SNX18: variants seen among roughly 807,000 people sequenced by gnomAD.
SNX18 encodes the protein sorting nexin-18.
In SNX18, 35 loss-of-function variants were observed where a neutral mutation model predicts 48.7. The ratio of observed to expected loss-of-function variants is 0.72; its 90% confidence interval spans 0.55 to 0.95. The LOEUF (loss-of-function observed/expected upper bound fraction) is 0.95, where lower values mean the gene tolerates loss of function less well. Among genes scored for constraint, SNX18 ranks in the 40% least tolerant of loss-of-function variants. The pLI, the probability that SNX18 is intolerant of heterozygous loss-of-function variation, is 0.00. For synonymous variants in SNX18, 492 were observed against 384.7 expected, an observed-to-expected ratio of 1.28 and a Z score of -3.26; for missense variants, 824 against 871.0, an observed-to-expected ratio of 0.95 and a Z score of 0.68.
Position 54,543,181 on chromosome 5 carries a change from G to A in SNX18, c.1624G>A (p.Ala542Thr), listed in dbSNP as rs1202294720. The A allele has an allele frequency of 6.2e-7, 1 of 1,613,054 alleles. No homozygotes were observed. The highest frequency in any genetic ancestry group is 8.5e-7 in the Non-Finnish European group (1 of 1,179,566). The change falls in exon 2 of 2, where the codon GCT (alanine) becomes ACT (threonine). Residue 542 changes from alanine (A) to threonine (T), a missense_variant and splice_region_variant. This residue lies in a region of SNX18 where 443 missense variants were observed against 503.6 expected (regional missense o/e 0.88). Coordinates refer to ENST00000381410, the MANE Select transcript of SNX18 (RefSeq NM_001102575.2). ...TTAATTGTTATTTTTAACTACAGGAGCTCTTACCAAAGTCAAGGAGAGTAG... is the reference window on the plus strand; with the variant it reads ...TTAATTGTTATTTTTAACTACAGGAACTCTTACCAAAGTCAAGGAGAGTAG... ...FPDIIHVQKG[A>T]LTKVKESRRH...
the SNX18 span, among the ~76,000 whole-genome samples, chr5:54,626,048 TTC>T: frequency 6.6e-6 from 1 of 152,218 alleles, no homozygotes; most frequent in Admixed American, 6.5e-5. Flanking sequence ...CCCTAGATTT[TTC>T]TGTTGCATGA....
the SNX18 span, among the ~76,000 whole-genome samples, chr5:54,585,809 C>G: frequency 1.1e-3 from 168 of 152,076 alleles, no homozygotes; most frequent in African/African-American, 3.9e-3. Flanking sequence ...CGAGACCATC[C>G]TGGCTAACAT....
chr5:54,642,800 T>A, the SNX18 span, among the ~76,000 whole-genome samples: 628 of 152,296 alleles, frequency 4.1e-3, 2 homozygotes, highest in Admixed American at 6.3e-3. Flanking sequence ...ATACATTTGC[T>A]CCCTACTGTC....
At chr5:54,609,793 A>T in the SNX18 span, among the ~76,000 whole-genome samples, 2 of 152,140 alleles carry the variant, frequency 1.3e-5, no homozygotes, top group African/African-American at 4.8e-5. Context: ...CAAATCTCAT[A>T]TTGAAATGTA....
chr5:54,527,797 T>C (rs1224287487), intron 1 of SNX18, among the ~76,000 whole-genome samples: 1 of 152,252 alleles, frequency 6.6e-6, no homozygotes, highest in Non-Finnish European at 1.5e-5. Context: ...TAATGAATGC[T>C]TGCTGAATTA....
chr5:54,522,247 C>T (rs912783901), intron 1 of SNX18, among the ~76,000 whole-genome samples: 9 of 152,180 alleles, frequency 5.9e-5, no homozygotes, highest in Non-Finnish European at 1.2e-4. Flanking sequence ...TAAAAGCTTT[C>T]TGAGCGTATT....
chr5:54,628,633 A>T, the SNX18 span, among the ~76,000 whole-genome samples: 1 of 152,194 alleles, frequency 6.6e-6, no homozygotes, highest in African/African-American at 2.4e-5. Flanking sequence ...GCCCCCAGGA[A>T]GGTGAAAACA....
At chr5:54,585,367 G>A in the SNX18 span, among the ~76,000 whole-genome samples, 2 of 149,454 alleles carry the variant, frequency 1.3e-5, no homozygotes, top group East Asian at 2.0e-4. Flanking sequence ...TTCTGCTTAC[G>A]AGGAGGAATT....
At chr5:54,598,339 A>G in the SNX18 span, among the ~76,000 whole-genome samples, 1 of 152,190 alleles carries the variant, frequency 6.6e-6, no homozygotes, top group African/African-American at 2.4e-5. Context: ...TTCTTCTGCA[A>G]TTATTCCAAA....
chr5:54,541,556 G>T (rs367796132), intron 1 of SNX18, among the ~76,000 whole-genome samples: 1 of 152,042 alleles, frequency 6.6e-6, no homozygotes, highest in East Asian at 1.9e-4. Context: ...TGGGACAGGG[G>T]TCTTCCTCTG....
rs369102206 is a variant in SNX18, at chr5:54,519,302, C to A, written c.1350C>A (p.Asn450Lys). The A allele has an allele frequency of 6.2e-7, 1 of 1,613,978 alleles. No individual in the cohort carries two copies. The highest frequency in any genetic ancestry group is 8.5e-7 in the Non-Finnish European group (1 of 1,179,984). ...CGCTGCAGCTCAACCACACGGCCAA[C>A]GAGTTCGCGCGCAAGCAGGTGACCG... ...DSALQLNHTA[N>K]EFARKQVTGF... Residue 450 changes from asparagine to lysine, a missense_variant, in exon 1 of 2, where the codon AAC (asparagine) becomes AAA (lysine). Asn to Lys is a moderately conservative substitution (Grantham distance 94, BLOSUM62 0). This residue lies in a region of SNX18 where 443 missense variants were observed against 503.6 expected (regional missense o/e 0.88). Coordinates refer to ENST00000381410, the MANE Select transcript of SNX18 (RefSeq NM_001102575.2).
At chr5:54,572,008 C>T in the SNX18 span, among the ~76,000 whole-genome samples, 1 of 152,170 alleles carries the variant, frequency 6.6e-6, no homozygotes, top group Non-Finnish European at 1.5e-5. Flanking sequence ...GTTAGTGCTT[C>T]CCCAAGATCT....
chr5:54,611,696 A>C, the SNX18 span, among the ~76,000 whole-genome samples: 1 of 152,150 alleles, frequency 6.6e-6, no homozygotes, highest in Non-Finnish European at 1.5e-5. Flanking sequence ...TTATTCCTGA[A>C]AGCATAAACG....
At chr5:54,541,029 CT>C (rs1171449730) in intron 1 of SNX18, among the ~76,000 whole-genome samples, 3 of 145,266 alleles carry the variant, frequency 2.1e-5, no homozygotes, top group Non-Finnish European at 4.6e-5. Context: ...TCTTTTTTTT[CT>C]CTCTCTCTTT....
chr5:54,626,993 A>G, the SNX18 span, among the ~76,000 whole-genome samples: 1 of 152,222 alleles, frequency 6.6e-6, no homozygotes, highest in Non-Finnish European at 1.5e-5. Context: ...ATGGGTTCTT[A>G]ACGTTTTTCA....
the SNX18 span, among the ~76,000 whole-genome samples, chr5:54,577,344 C>T: frequency 1.4e-5 from 2 of 144,254 alleles, no homozygotes; most frequent in African/African-American, 5.2e-5. Context: ...CACCTCTGGC[C>T]CACTCCCCGC....
At chr5:54,564,576 G>A in the SNX18 span, among the ~76,000 whole-genome samples, 2 of 152,196 alleles carry the variant, frequency 1.3e-5, no homozygotes, top group Non-Finnish European at 2.9e-5. Context: ...ATGTTGTTAG[G>A]CTGGGCGCAG....
chr5:54,565,621 G>T, the SNX18 span, among the ~76,000 whole-genome samples: 1 of 152,036 alleles, frequency 6.6e-6, no homozygotes, highest in South Asian at 2.1e-4. Flanking sequence ...AGGTATTCAT[G>T]ATATTGTTCT....
the SNX18 span, among the ~76,000 whole-genome samples, chr5:54,568,516 G>T: frequency 1.3e-5 from 2 of 150,824 alleles, no homozygotes; most frequent in African/African-American, 5.0e-5. Flanking sequence ...TCCCCAGACT[G>T]CTGCAAAACC....
Sources: gnomAD v4.1 joint callset for allele counts (sites outside exome capture counted in the v4.1 genomes callset) on GRCh38, gnomAD v4.1.1 for gene constraint, gnomAD v4.1.1 regional missense constraint, MANE v1.5 for transcripts, NCBI Gene and HGNC (gene_info 2026-07-23, HGNC 2026-07-21) for gene names.